Variants in RMI2 observed in about 807,000 individuals in gnomAD.
The protein encoded by RMI2 is recQ-mediated genome instability protein 2.
Under a neutral mutation model 8.4 loss-of-function variants are expected in RMI2, and 11 were observed. The observed-to-expected ratio is 1.32, with a 90% CI of 0.83 to 2.18. The LOEUF is 2.18. RMI2 is among the 30% of genes most tolerant of loss of function. The pLI, the probability that RMI2 is intolerant of heterozygous loss-of-function variation, is 0.00. For missense variants in RMI2, 253 were observed against 207.5 expected (o/e 1.22, Z -1.35); for synonymous variants, 105 against 93.8 (o/e 1.12, Z -0.69).
chr16:11,350,810 T>G lies in RMI2; in HGVS notation c.*20T>G. On this transcript the variant is annotated 3_prime_UTR_variant, in exon 2 of 2. Transcript: ENST00000312499. ...CCTTAGAGTATGTTGGAACTGTCGT[T>G]AAAAACAACCAAAATCCCGAAACTA... 1 of 1,579,020 alleles carries G rather than the reference T, an allele frequency of 6.3e-7. No individual in the cohort carries two copies. Among genetic ancestry groups the G allele is most frequent in the East Asian group, 2.3e-5 (1 of 44,304 alleles).
chr16:11,345,887 G>C, intron 1 of RMI2, 121 bp downstream of exon 1: 1 of 791,424 alleles, frequency 1.3e-6, no homozygotes, highest in Non-Finnish European at 1.7e-6. Flanking sequence ...CCCTCCTCCG[G>C]GCCTCTGCCC....
In RMI2 at chr16:11,345,490, T is replaced by C. The variant is rs1435662612; in HGVS notation, c.19T>C (p.Ser7Pro). MAAAAD[S>P]FSGGPAGVRL... is the part of the protein sequence containing the mutation. Reference sequence around the variant, plus strand: ...AGGCGGAATGGCGGCGGCTGCGGACTCGTTCTCAGGCGGCCCCGCGGGGGT... The same window carrying C: ...AGGCGGAATGGCGGCGGCTGCGGACCCGTTCTCAGGCGGCCCCGCGGGGGT... The change falls in exon 1 of 2, where the codon TCG becomes CCG. Residue 7 changes from serine to proline, a missense_variant. Physicochemically the swap from Ser to Pro is moderately conservative, Grantham distance 74 (BLOSUM62 -1). Coordinates refer to ENST00000312499, the MANE Select transcript of RMI2 (RefSeq NM_152308.3). The C allele has an allele frequency of 7.6e-7, 1 of 1,317,510 alleles. No individual in the cohort carries two copies. 81.6% of individuals were successfully genotyped at this position (1,317,510 alleles called of 1,614,324 possible).
chr16:11,345,687 T>C lies in RMI2; in HGVS notation c.216T>C (p.Ala72=). Residue 72 remains alanine, a synonymous_variant, in exon 1 of 2, where the codon GCT becomes GCC. Transcript: ENST00000312499. Reference sequence around the variant, plus strand: ...TAGTGATGGCGGACCGCGGCGAGGCTCGGCTGAGGGACCCGAGCGGGGACT... The same window carrying C: ...TAGTGATGGCGGACCGCGGCGAGGCCCGGCTGAGGGACCCGAGCGGGGACT... The part of the protein sequence containing the change: ...GRVVMADRGE[A]RLRDPSGDFS... 1 of 1,270,980 alleles carries C rather than the reference T, an allele frequency of 7.9e-7. No individual in the cohort carries two copies. The highest frequency in any genetic ancestry group is 1.5e-5 in the African/African-American group (1 of 65,876). 78.7% of individuals were successfully genotyped at this position (1,270,980 alleles called of 1,614,324 possible).
Position 11,351,305 on chromosome 16 carries a change from G to A in RMI2, c.*515G>A. ...CCATAACCAGTTTGCGAGTCAAATG[G>A]CATTTCCTAACGGCAGGCATGGCGG... On this transcript the variant is annotated 3_prime_UTR_variant, in exon 2 of 2. Transcript: ENST00000312499. 8.6e-6 allele frequency: 2 copies of A among 232,772 alleles called. No homozygotes were observed. Among genetic ancestry groups the A allele is most frequent in the Non-Finnish European group, 1.7e-5 (2 of 117,762 alleles). 14.4% of individuals were successfully genotyped at this position (232,772 alleles called of 1,614,324 possible). A position where few individuals can be genotyped will look rare whatever the true frequency, so the allele number is the denominator to read the frequency against.
chr16:11,350,470 A>G (rs2070952870), intron 1 of RMI2, among the ~76,000 whole-genome samples, 172 bp from the exon 2 acceptor site: 1 of 152,160 alleles, frequency 6.6e-6, no homozygotes, highest in African/African-American at 2.4e-5. Flanking sequence ...GGCACCTGTA[A>G]TCCCAGCTAC....
At chr16:11,346,891 T>TG (rs1245168614) in intron 1 of RMI2, among the ~76,000 whole-genome samples, 1 of 152,228 alleles carries the variant, frequency 6.6e-6, no homozygotes, top group African/African-American at 2.4e-5. Flanking sequence ...ACGCCTGGTT[T>TG]GGGGGCCATA....
intron 1 of RMI2, 117 bp downstream of exon 1, chr16:11,345,883 T>A: frequency 2.5e-6 from 2 of 805,542 alleles, no homozygotes; most frequent in Non-Finnish European, 3.3e-6. Flanking sequence ...CTGGCCCTCC[T>A]CCGGGCCTCT....
intron 1 of RMI2, among the ~76,000 whole-genome samples, chr16:11,347,401 G>A (rs571366284): frequency 6.6e-6 from 1 of 152,308 alleles, no homozygotes; most frequent in South Asian, 2.1e-4. Flanking sequence ...GGTCTGGCCT[G>A]AGCTGCTGTG....
intron 1 of RMI2, among the ~76,000 whole-genome samples, chr16:11,346,250 CCT>C (rs1304457683): frequency 7.1e-6 from 1 of 140,266 alleles, no homozygotes; most frequent in South Asian, 2.2e-4. Flanking sequence ...ATGTTTGCCT[CCT>C]CTCTTTTTTT....
chr16:11,351,683 G>A lies in RMI2; in HGVS notation c.*893G>A, dbSNP rs966908336. On this transcript the variant is annotated 3_prime_UTR_variant, in exon 2 of 2. Coordinates refer to ENST00000312499, the MANE Select transcript of RMI2 (RefSeq NM_152308.3). Reference sequence around the variant, plus strand: ...TTTTGAGATTGTAAATATCAAAGGAGTTAGATTGTGTTCTGACATGGTTGT... The same window carrying A: ...TTTTGAGATTGTAAATATCAAAGGAATTAGATTGTGTTCTGACATGGTTGT... 8.8e-6 allele frequency: 2 copies of A among 226,398 alleles called. No homozygotes were observed. Among genetic ancestry groups the A allele is most frequent in the Non-Finnish European group, 1.8e-5 (2 of 113,692 alleles). 14.0% of individuals were successfully genotyped at this position (226,398 alleles called of 1,614,324 possible).
intron 1 of RMI2, among the ~76,000 whole-genome samples, chr16:11,347,952 T>G (rs1365910226): frequency 6.6e-6 from 1 of 152,160 alleles, no homozygotes; most frequent in Non-Finnish European, 1.5e-5. Flanking sequence ...GGCTAATTTT[T>G]GTAGTTCTAG....
chr16:11,350,901 CAGAG>C lies in RMI2; in HGVS notation c.*114_*117del. On this transcript the variant is annotated 3_prime_UTR_variant, in exon 2 of 2. Transcript: ENST00000312499. Reference sequence around the variant, plus strand: ...CAATGCGTATTTTTCAAATGCTTCTCAGAGAGCCTTGCTTTGGTTGACCAAGGAG... The same window carrying C: ...CAATGCGTATTTTTCAAATGCTTCTCAGCCTTGCTTTGGTTGACCAAGGAG... 1.1e-6 allele frequency: 1 copy of C among 922,278 alleles called. No homozygotes were observed. 57.1% of individuals were successfully genotyped at this position (922,278 alleles called of 1,614,324 possible).
At position 11,351,056 on chromosome 16, in the gene RMI2, G is replaced by A. The variant is rs892091515; in HGVS notation, c.*266G>A. ...TTTCATTTTCCTTCCTGGTTTGTGT[G>A]TGTTAATTCTCTCTCTCTCTCTCAG... On this transcript the variant is annotated 3_prime_UTR_variant, in exon 2 of 2. Coordinates refer to ENST00000312499, the MANE Select transcript of RMI2 (RefSeq NM_152308.3). 4 of 332,882 alleles carry A rather than the reference G, an allele frequency of 1.2e-5. No homozygotes were observed. The highest frequency in any genetic ancestry group is 6.3e-5 in the African/African-American group (3 of 47,286). 20.6% of individuals were successfully genotyped at this position (332,882 alleles called of 1,614,324 possible).
At position 11,350,692 on chromosome 16, in the gene RMI2, T is replaced by C. The variant is rs2070959128; in HGVS notation, c.346T>C (p.Cys116Arg). The C allele has an allele frequency of 1.2e-6, 2 of 1,612,848 alleles. No individual in the cohort carries two copies. The highest frequency in any genetic ancestry group is 1.7e-6 in the Non-Finnish European group (2 of 1,179,148). The change falls in exon 2 of 2, where the codon TGC (cysteine) becomes CGC (arginine). Residue 116 changes from cysteine (C) to arginine (R), a missense_variant. By Grantham distance (180) the Cys-to-Arg change is radical (BLOSUM62 -3). Transcript: ENST00000312499. ...GGTTCAGGCCTGCAGCCCTGAGCCC[T>C]GCCTGCAGGCTGTGAAGATGACAGA... Reference protein sequence around the residue: ...GVVQACSPEPCLQAVKMTDLS... With the variant: ...GVVQACSPEPRLQAVKMTDLS...
chr16:11,348,084 T>G (rs143329421), intron 1 of RMI2: 96 of 152,338 alleles, frequency 6.3e-4, no homozygotes, highest in African/African-American at 2.1e-3. Flanking sequence ...TTCACATTTT[T>G]AAATGGTTGA....
rs1017852857 is a variant in RMI2, at chr16:11,350,934, G to C, written c.*144G>C. On this transcript the variant is annotated 3_prime_UTR_variant, in exon 2 of 2. Transcript: ENST00000312499. The stretch of plus-strand genomic sequence containing the variant: ...CTTGCTTTGGTTGACCAAGGAGTCC[G>C]GATGTAGGAATGTTTAAATCCTCGG... 1 of 618,412 alleles carries C rather than the reference G, an allele frequency of 1.6e-6. No individual in the cohort carries two copies. The highest frequency in any genetic ancestry group is 2.7e-6 in the Non-Finnish European group (1 of 375,008). The allele number at this position is 618,412 out of a possible 1,614,324, so 38.3% of individuals were successfully genotyped here.
In RMI2 at chr16:11,351,469, G is replaced by C. The variant is rs187768086; in HGVS notation, c.*679G>C. 2.5e-4 allele frequency: 59 copies of C among 231,860 alleles called. No homozygotes were observed. In the East Asian group the frequency reaches 3.5e-3, roughly 14 times the overall value. The allele number at this position is 231,860 out of a possible 1,614,324, so 14.4% of individuals were successfully genotyped here. On this transcript the variant is annotated 3_prime_UTR_variant, in exon 2 of 2. Coordinates refer to ENST00000312499, the MANE Select transcript of RMI2 (RefSeq NM_152308.3). ...TGTTGAGACGTTTTCAGAATTTCTT[G>C]TTGAAATGAAAAACATCAAGATAAA...
intron 1 of RMI2, 118 bp from the exon 2 acceptor site, chr16:11,350,524 A>C: frequency 1.3e-6 from 1 of 750,422 alleles, no homozygotes; most frequent in Non-Finnish European, 2.1e-6. Flanking sequence ...CAGGAGGTGG[A>C]GGCTGCAATG....
In RMI2 at chr16:11,345,622, G is replaced by A; in HGVS notation, c.151G>A (p.Gly51Arg). Residue 51 changes from glycine to arginine, a missense_variant, in exon 1 of 2, where the codon GGG (glycine) becomes AGG (arginine). Transcript: ENST00000312499. Reference sequence around the variant, plus strand: ...GCTGTCACGGGCGGCGGCGGGCCGCGGGCCGCTGGACCTGGCGGCCGTGTG... The same window carrying A: ...GCTGTCACGGGCGGCGGCGGGCCGCAGGCCGCTGGACCTGGCGGCCGTGTG... Reference protein sequence around the residue: ...WRLSRAAAGRGPLDLAAVWMQ... With the variant: ...WRLSRAAAGRRPLDLAAVWMQ... 9.7e-6 allele frequency: 12 copies of A among 1,235,246 alleles called. No individual in the cohort carries two copies. The highest frequency in any genetic ancestry group is 1.2e-5 in the Non-Finnish European group (12 of 990,208). 76.5% of individuals were successfully genotyped at this position (1,235,246 alleles called of 1,614,324 possible).
Sources: allele counts gnomAD v4.1 joint callset (sites outside exome capture counted in the v4.1 genomes callset), GRCh38; gene constraint gnomAD v4.1.1; transcripts MANE v1.5; gene names NCBI Gene and HGNC (gene_info 2026-07-23, HGNC 2026-07-21).